ASIC2: variants seen among roughly 807,000 people sequenced by gnomAD.
ASIC2 encodes acid sensing ion channel subunit 2.
In ASIC2, 25 loss-of-function variants were observed where a neutral mutation model predicts 57.3. That is an observed-to-expected ratio of 0.44 (90% CI 0.32 to 0.61). The LOEUF (loss-of-function observed/expected upper bound fraction) is 0.61, where lower values mean the gene tolerates loss of function less well. Among genes scored for constraint, ASIC2 ranks in the 20% least tolerant of loss-of-function variants. The pLI is 0.06. For missense variants in ASIC2, 641 were observed against 738.1 expected, an observed-to-expected ratio of 0.87 and a Z score of 1.52; for synonymous variants, 319 against 307.5, an observed-to-expected ratio of 1.04 and a Z score of -0.39.
chr17:33,182,265 CA>C (rs1279600287), intron 1 of ASIC2, among the ~76,000 whole-genome samples: 1 of 151,984 alleles, frequency 6.6e-6, no homozygotes, highest in African/African-American at 2.4e-5. Flanking sequence ...TTGTAAAAAA[CA>C]AGAATCAGGG....
intron 2 of ASIC2, among the ~76,000 whole-genome samples, chr17:33,096,119 A>C (rs1217590116): frequency 1.3e-5 from 2 of 152,260 alleles, no homozygotes; most frequent in Non-Finnish European, 2.9e-5. Flanking sequence ...AGAGAGAGAA[A>C]GCAAGAAAGA....
chr17:33,878,613 G>C (rs1914615058), intron 1 of ASIC2, among the ~76,000 whole-genome samples: 2 of 152,214 alleles, frequency 1.3e-5, no homozygotes, highest in Non-Finnish European at 2.9e-5. Context: ...TATGTGAAAA[G>C]ACCAAATCTA....
intron 1 of ASIC2, among the ~76,000 whole-genome samples, chr17:33,867,500 A>C (rs1034396926): frequency 2.0e-5 from 3 of 152,244 alleles, no homozygotes; most frequent in African/African-American, 4.8e-5. Context: ...TCTCCATCCA[A>C]TTCCAAAGAC....
At chr17:33,547,993 G>A (rs553284190) in intron 1 of ASIC2, among the ~76,000 whole-genome samples, 22 of 152,310 alleles carry the variant, frequency 1.4e-4, no homozygotes, top group African/African-American at 5.1e-4. Context: ...CAAGATACAG[G>A]TTCAGTGTCA....
At chr17:33,519,665 C>T (rs1330751643) in intron 1 of ASIC2, among the ~76,000 whole-genome samples, 1 of 152,162 alleles carries the variant, frequency 6.6e-6, no homozygotes, top group African/African-American at 2.4e-5. Flanking sequence ...CACCACTGGG[C>T]TTGGAAAGGA....
At chr17:33,096,066 G>A (rs960373188) in intron 2 of ASIC2, among the ~76,000 whole-genome samples, 3 of 152,238 alleles carry the variant, frequency 2.0e-5, no homozygotes, top group African/African-American at 7.2e-5. Flanking sequence ...GTGTGTGCCT[G>A]TGTGGGTGTG....
rs372861435 is a variant in ASIC2 at position 33,086,346 on chromosome 17, G to T, written c.987+2517C>A. Among the ~76,000 whole-genome samples the T allele has an allele frequency of 3.7e-4, 57 of 152,332 alleles. 1 individual carries two copies. The highest frequency in any genetic ancestry group is 1.3e-3 in the African/African-American group (55 of 41,568). ...CTAATAACAATGTAGATAGCAAAGA[G>T]ATGTCAACACAAGTAAGTAATTCAT... On this transcript the variant is annotated intron_variant, in intron 3 of 9. Transcript: ENST00000225823.
At chr17:33,719,489 A>C (rs1454460379) in intron 1 of ASIC2, among the ~76,000 whole-genome samples, 1 of 152,194 alleles carries the variant, frequency 6.6e-6, no homozygotes, top group Non-Finnish European at 1.5e-5. Context: ...CCTACTTTGC[A>C]TCTGTCAGGA....
intron 1 of ASIC2, among the ~76,000 whole-genome samples, chr17:33,810,772 A>G (rs1912395517): frequency 6.6e-6 from 1 of 152,166 alleles, no homozygotes; most frequent in African/African-American, 2.4e-5. Context: ...GTTTTTATGT[A>G]AAAAAGATTA....
At chr17:33,774,044 C>T (rs1291533909) in intron 1 of ASIC2, among the ~76,000 whole-genome samples, 1 of 152,022 alleles carries the variant, frequency 6.6e-6, no homozygotes, top group African/African-American at 2.4e-5. Context: ...AACTAAAGCT[C>T]AGAGAGGTAA....
At chr17:33,740,672 G>C in intron 1 of ASIC2, among the ~76,000 whole-genome samples, 1 of 152,170 alleles carries the variant, frequency 6.6e-6, no homozygotes. Flanking sequence ...GCTGGAAACA[G>C]ACCTTCTCCT....
chr17:33,173,149 T>C (rs986558106), intron 1 of ASIC2, among the ~76,000 whole-genome samples: 5 of 152,140 alleles, frequency 3.3e-5, no homozygotes, highest in African/African-American at 1.2e-4. Context: ...AACCCCATAC[T>C]GCTCTATAGA....
chr17:33,534,295 G>A (rs1054255104), intron 1 of ASIC2: 3 of 152,146 alleles, frequency 2.0e-5, no homozygotes, highest in South Asian at 2.1e-4. Context: ...CTGATTGCTC[G>A]GGACCCCAGA....
intron 1 of ASIC2, among the ~76,000 whole-genome samples, chr17:33,543,201 G>T (rs1915475260): frequency 6.6e-6 from 1 of 150,642 alleles, no homozygotes; most frequent in African/African-American, 2.5e-5. Flanking sequence ...ACGAGTTAGT[G>T]GGTGCAGTGC....
rs567488005 is a variant in ASIC2 at position 33,568,685 on chromosome 17, T to C, written c.556-456618A>G. On this transcript the variant is annotated intron_variant, in intron 1 of 9. Transcript: ENST00000359872. ...ACCCTCTAGATATACATAAACTATA[T>C]AATACATATATACATACCTATCTCT... is the stretch of plus-strand genomic sequence containing the variant. 2.0e-5 allele frequency among the ~76,000 whole-genome samples: 3 copies of C among 152,326 alleles called. 1 individual carries two copies. The South Asian group carries it at 6.2e-4, about 32-fold the overall frequency.
intron 1 of ASIC2, among the ~76,000 whole-genome samples, chr17:33,875,953 GA>G (rs1914535047): frequency 6.6e-6 from 1 of 151,960 alleles, no homozygotes; most frequent in Admixed American, 6.6e-5. Context: ...GTTTCAATTA[GA>G]AAAAGATTCT....
intron 1 of ASIC2, among the ~76,000 whole-genome samples, chr17:33,218,088 G>A (rs1050417107): frequency 2.6e-5 from 4 of 152,230 alleles, no homozygotes; most frequent in East Asian, 1.9e-4. Flanking sequence ...TCTTTGCTAC[G>A]TAATGCAATT....
At chr17:33,114,263 T>C (rs1469247264) in intron 1 of ASIC2, among the ~76,000 whole-genome samples, 1 of 152,236 alleles carries the variant, frequency 6.6e-6, no homozygotes, top group Non-Finnish European at 1.5e-5. Flanking sequence ...TTCATAACTA[T>C]TGCATATAGC....
intron 1 of ASIC2, among the ~76,000 whole-genome samples, chr17:33,779,465 C>A (rs982135280): frequency 2.6e-5 from 4 of 152,230 alleles, no homozygotes; most frequent in Non-Finnish European, 5.9e-5. Flanking sequence ...AGCTAACGTG[C>A]AGCTTAATCA....
Sources: gnomAD v4.1 joint callset for allele counts (sites outside exome capture counted in the v4.1 genomes callset) on GRCh38, gnomAD v4.1.1 for gene constraint, MANE v1.5 for transcripts, NCBI Gene and HGNC (gene_info 2026-07-23, HGNC 2026-07-21) for gene names.